The following TBC1D16 variants were observed in gnomAD, a reference collection of about 807,000 sequenced individuals.
The protein encoded by TBC1D16 is CTD-2529O21.1.
Under a neutral mutation model 74.7 loss-of-function variants are expected in TBC1D16, and 58 were observed. That is an observed-to-expected ratio of 0.78 (90% CI 0.63 to 0.97). The LOEUF (loss-of-function observed/expected upper bound fraction) is 0.97, where lower values mean the gene tolerates loss of function less well. Ranked by LOEUF, TBC1D16 falls within the 50% of genes least tolerant of loss-of-function variation. The pLI is 0.00. For synonymous variants in TBC1D16, 493 were observed against 474.7 expected (o/e 1.04, Z -0.50); for missense variants, 1,014 against 1,079.5 (o/e 0.94, Z 0.85).
At chr17:79,984,617 G>GAAGGAAGGAAGGAAGGAAGGAAGGA (rs1225371423) in intron 3 of TBC1D16, among the ~76,000 whole-genome samples, 17 of 92,270 alleles carry the variant, frequency 1.8e-4, no homozygotes, top group South Asian at 4.0e-4. Flanking sequence ...GGGAGGGAGG[G>GAAGGAAGGAAGGAAGGAAGGAAGGA]AGTGAAGGAA....
rs1048506808 is a variant in TBC1D16 at position 79,981,368 on chromosome 17, C to T, written c.780-28550G>A. On this transcript the variant is annotated intron_variant, in intron 3 of 11. Coordinates refer to ENST00000310924, the MANE Select transcript of TBC1D16 (RefSeq NM_019020.4). The surrounding 1 kb of genome is among the most constrained non-coding windows in gnomAD (Gnocchi z 6.9). ...TATGTTCTTAGACCCTCCATCTGCC[C>T]GGGCCCTGCTGGGAGAAGGCCTCGG... Among the ~76,000 whole-genome samples the T allele has an allele frequency of 3.9e-5, 6 of 152,192 alleles. No individual in the cohort carries two copies. Among genetic ancestry groups the T allele is most frequent in the East Asian group, 1.9e-4 (1 of 5,190 alleles).
intron 3 of TBC1D16, among the ~76,000 whole-genome samples, chr17:79,970,263 C>T (rs2034024431): frequency 1.3e-5 from 2 of 152,162 alleles, no homozygotes; most frequent in East Asian, 1.9e-4. Context: ...AGGTTAGTGG[C>T]TGCCAGGGCT....
chr17:79,962,549 T>C (rs2033663985), intron 3 of TBC1D16, among the ~76,000 whole-genome samples: 1 of 152,104 alleles, frequency 6.6e-6, no homozygotes, highest in Non-Finnish European at 1.5e-5. Flanking sequence ...GTTCAGGTAT[T>C]AAATATATTT....
intron 3 of TBC1D16, among the ~76,000 whole-genome samples, chr17:79,967,369 CA>C (rs1226015473): frequency 6.6e-6 from 1 of 152,014 alleles, no homozygotes; most frequent in East Asian, 1.9e-4. Flanking sequence ...TATAGAATAT[CA>C]TTAGGAATCT....
rs1166989348 is a variant in TBC1D16 at position 79,948,950 on chromosome 17, A to G, written c.1463T>C (p.Val488Ala). 1 of 1,614,172 alleles carries G rather than the reference A, an allele frequency of 6.2e-7. No homozygotes were observed. The highest frequency in any genetic ancestry group is 2.2e-5 in the East Asian group (1 of 44,880). ...RAFWRNVQFT[V>A]DKDVVRTDRN... Reference sequence around the variant, plus strand: ...ATCTGTCCGGACCACGTCTTTGTCCACAGTGAACTGCACATTACGCCAGAA... The same window carrying G: ...ATCTGTCCGGACCACGTCTTTGTCCGCAGTGAACTGCACATTACGCCAGAA... The change falls in exon 8 of 12, where the codon GTG becomes GCG. Residue 488 changes from valine to alanine, a missense_variant. By Grantham distance (64) the Val-to-Ala change is moderately conservative. Transcript: ENST00000310924.
Position 80,001,201 on chromosome 17 carries a change from C to A in TBC1D16, c.779+8959G>T, listed in dbSNP as rs1354040802. Among the ~76,000 whole-genome samples the A allele has an allele frequency of 6.6e-6, 1 of 152,214 alleles. No individual in the cohort carries two copies. Among genetic ancestry groups the A allele is most frequent in the African/African-American group, 2.4e-5 (1 of 41,448 alleles). On this transcript the variant is annotated intron_variant, in intron 3 of 11. Coordinates refer to ENST00000310924, the MANE Select transcript of TBC1D16 (RefSeq NM_019020.4). This position sits in a 1 kb window ranked among gnomAD's most constrained non-coding sequence, Gnocchi z 5.8. Reference sequence around the variant, plus strand: ...CTTCCCGTAACAGCTTCCCTCAGACCCCTGGCATCGGCCACTCTCTGGGTG... The same window carrying A: ...CTTCCCGTAACAGCTTCCCTCAGACACCTGGCATCGGCCACTCTCTGGGTG...
intron 3 of TBC1D16, among the ~76,000 whole-genome samples, chr17:79,997,333 G>A (rs922200451): frequency 6.6e-6 from 1 of 151,792 alleles, no homozygotes; most frequent in African/African-American, 2.4e-5. Flanking sequence ...GGTGAAGGGT[G>A]TATAGGGCCT....
chr17:80,023,164 G>T (rs889793033), intron 1 of TBC1D16, among the ~76,000 whole-genome samples: 2 of 149,778 alleles, frequency 1.3e-5, no homozygotes, highest in East Asian at 1.9e-4. Flanking sequence ...GGACAGGCGG[G>T]GTCATTTTAA....
chr17:80,021,999 G>A (rs1490496513), intron 1 of TBC1D16, among the ~76,000 whole-genome samples: 1 of 137,706 alleles, frequency 7.3e-6, no homozygotes, highest in Non-Finnish European at 1.6e-5. Flanking sequence ...TTTGACATAC[G>A]GAGGTTTAAA....
chr17:79,956,203 T>C lies in TBC1D16; in HGVS notation c.780-3385A>G, dbSNP rs1395881961. ...CCAGGGAGCCCAGCGCAACAGCCTG[T>C]CCCAGCCCAGCCCAAACCAAAGGTC... On this transcript the variant is annotated intron_variant, in intron 3 of 11. Coordinates refer to ENST00000310924, the MANE Select transcript of TBC1D16 (RefSeq NM_019020.4). The surrounding 1 kb of genome is among the most constrained non-coding windows in gnomAD (Gnocchi z 4.0). 6.6e-6 allele frequency among the ~76,000 whole-genome samples: 1 copy of C among 152,218 alleles called. No individual in the cohort carries two copies. Among genetic ancestry groups the C allele is most frequent in the African/African-American group, 2.4e-5 (1 of 41,466 alleles).
At position 79,950,917 on chromosome 17, in the gene TBC1D16, G is replaced by A. The variant is rs1598335990; in HGVS notation, c.1090-339C>T. 1.4e-6 allele frequency: 2 copies of A among 1,380,014 alleles called. No individual in the cohort carries two copies. Among genetic ancestry groups the A allele is most frequent in the Non-Finnish European group, 1.9e-6 (2 of 1,032,770 alleles). 85.5% of individuals were successfully genotyped at this position (1,380,014 alleles called of 1,614,324 possible). A position where few individuals can be genotyped will look rare whatever the true frequency, so the allele number is the denominator to read the frequency against. Reference sequence around the variant, plus strand: ...GCCTGCAATGAATTACATGTGATTGGCCACATACAAAGGGATCGCTGTTCT... The same window carrying A: ...GCCTGCAATGAATTACATGTGATTGACCACATACAAAGGGATCGCTGTTCT... On this transcript the variant is annotated intron_variant, in intron 5 of 11. Coordinates refer to ENST00000310924, the MANE Select transcript of TBC1D16 (RefSeq NM_019020.4). This position sits in a 1 kb window ranked among gnomAD's most constrained non-coding sequence, Gnocchi z 4.6.
rs562946248 is a variant in TBC1D16 at position 79,983,200 on chromosome 17, G to A, written c.779+26960C>T. Reference sequence around the variant, plus strand: ...AGGCGTGAAACCCAGTGGCGGTTCAGAAGACGTGGCAGCGCGGGAGGGGTT... The same window carrying A: ...AGGCGTGAAACCCAGTGGCGGTTCAAAAGACGTGGCAGCGCGGGAGGGGTT... On this transcript the variant is annotated intron_variant, in intron 3 of 11. Transcript: ENST00000310924. This position sits in a 1 kb window ranked among gnomAD's most constrained non-coding sequence, Gnocchi z 5.6. Among the ~76,000 whole-genome samples the A allele has an allele frequency of 6.6e-5, 10 of 152,360 alleles. 1 individual carries two copies. The South Asian group carries it at 1.4e-3, about 22-fold the overall frequency.
chr17:80,024,829 CTACA>C (rs2036490633), intron 1 of TBC1D16, among the ~76,000 whole-genome samples: 1 of 145,488 alleles, frequency 6.9e-6, no homozygotes, highest in Non-Finnish European at 1.5e-5. Flanking sequence ...GACACACGCA[CTACA>C]TACACACCGT....
chr17:79,940,914 C>T lies in TBC1D16; in HGVS notation c.2249G>A (p.Arg750Lys). The change falls in exon 12 of 12, where the codon AGG (arginine) becomes AAG (lysine). Residue 750 changes from arginine to lysine, a missense_variant. Coordinates refer to ENST00000310924, the MANE Select transcript of TBC1D16 (RefSeq NM_019020.4). This position sits in a 1 kb window ranked among gnomAD's most constrained non-coding sequence, Gnocchi z 5.4. Reference protein sequence around the residue: ...TVEMPSPKSLREGKKGPKTPQ... With the variant: ...TVEMPSPKSLKEGKKGPKTPQ... ...CGTCTTTGGGCCCTTCTTGCCTTCCCTCAGGGACTTGGGGGAAGGCATCTC... is the reference window on the plus strand; with the variant it reads ...CGTCTTTGGGCCCTTCTTGCCTTCCTTCAGGGACTTGGGGGAAGGCATCTC... 2 of 1,589,890 alleles carry T rather than the reference C, an allele frequency of 1.3e-6. No individual in the cohort carries two copies. Among genetic ancestry groups the T allele is most frequent in the Non-Finnish European group, 8.6e-7 (1 of 1,165,008 alleles).
At position 79,940,695 on chromosome 17, in the gene TBC1D16, C is replaced by CT. The variant is rs1468705820; in HGVS notation, c.*163dup. On this transcript the variant is annotated 3_prime_UTR_variant, in exon 12 of 12. Coordinates refer to ENST00000310924, the MANE Select transcript of TBC1D16 (RefSeq NM_019020.4). The surrounding 1 kb of genome is among the most constrained non-coding windows in gnomAD (Gnocchi z 5.4). ...ATCTGACTTCTGTCACTTCCAGACT[C>CT]TAATTTTGTCATTAATATGAAAAGG... 3.0e-5 allele frequency: 26 copies of CT among 868,294 alleles called. No individual in the cohort carries two copies. Among genetic ancestry groups the CT allele is most frequent in the Non-Finnish European group, 3.2e-6 (2 of 620,728 alleles). 53.8% of individuals were successfully genotyped at this position (868,294 alleles called of 1,614,324 possible). A position where few individuals can be genotyped will look rare whatever the true frequency, so the allele number is the denominator to read the frequency against.
In TBC1D16 at chr17:79,933,360, C is replaced by G. The variant is rs915916237; in HGVS notation, c.*7499G>C. On this transcript the variant is annotated 3_prime_UTR_variant, in exon 12 of 12. Coordinates refer to ENST00000310924, the MANE Select transcript of TBC1D16 (RefSeq NM_019020.4). The stretch of plus-strand genomic sequence containing the variant: ...CAGGTATGCCCAGGTACCTGAGTCC[C>G]AGCCAAAGCGGCAAAGCCAGACCTC... 2 of 152,174 alleles carry G rather than the reference C, an allele frequency of 1.3e-5. No individual in the cohort carries two copies. Among genetic ancestry groups the G allele is most frequent in the African/African-American group, 4.8e-5 (2 of 41,402 alleles). The allele number at this position is 152,174 out of a possible 1,614,324, so 9.4% of individuals were successfully genotyped here.
At chr17:79,968,748 G>T (rs541867640) in intron 3 of TBC1D16, among the ~76,000 whole-genome samples, 1 of 151,026 alleles carries the variant, frequency 6.6e-6, no homozygotes, top group Admixed American at 6.6e-5. Flanking sequence ...AGCTAATCGG[G>T]AGGCTGAGGC....
rs1290791883 is a variant in TBC1D16, at chr17:80,035,279, G to A, written c.-63+516C>T. ...AAGGAAAGAACAAGGGAGCCCAGGCGGAACGGAAGTGAGTATCCCGACACG... is the reference window on the plus strand; with the variant it reads ...AAGGAAAGAACAAGGGAGCCCAGGCAGAACGGAAGTGAGTATCCCGACACG... On this transcript the variant is annotated intron_variant, in intron 1 of 11. Coordinates refer to ENST00000310924, the MANE Select transcript of TBC1D16 (RefSeq NM_019020.4). The surrounding 1 kb of genome is among the most constrained non-coding windows in gnomAD (Gnocchi z 5.3). Among the ~76,000 whole-genome samples, 1 of 151,386 alleles carries A rather than the reference G, an allele frequency of 6.6e-6. No individual in the cohort carries two copies. The highest frequency in any genetic ancestry group is 1.5e-5 in the Non-Finnish European group (1 of 67,858).
At chr17:79,943,883 A>AT in intron 10 of TBC1D16, 11 of 1,406,140 alleles carry the variant, frequency 7.8e-6, no homozygotes, top group East Asian at 2.6e-5. Flanking sequence ...ATGAGGCACG[A>AT]TTTTTTTTAA....
Sources: allele counts gnomAD v4.1 joint callset (sites outside exome capture counted in the v4.1 genomes callset), GRCh38; gene constraint gnomAD v4.1.1; non-coding constraint Gnocchi (gnomAD v3.1); transcripts MANE v1.5; gene names NCBI Gene and HGNC (gene_info 2026-07-23, HGNC 2026-07-21).